The following C12orf42 variants were observed in gnomAD, a reference collection of about 807,000 sequenced individuals.
C12orf42 encodes the protein uncharacterized protein C12orf42.
In C12orf42, 25 loss-of-function variants were observed where a neutral mutation model predicts 21.6. That is an observed-to-expected ratio of 1.16 (90% CI 0.84 to 1.62). The LOEUF (loss-of-function observed/expected upper bound fraction) is 1.62, where lower values mean the gene tolerates loss of function less well. Among genes scored for constraint, C12orf42 ranks in the 40% most tolerant of loss-of-function variants. The probability of loss-of-function intolerance (pLI) is 0.00; values close to 1 mark genes in which losing one functional copy is unlikely to be tolerated. For synonymous variants in C12orf42, 174 were observed against 175.0 expected (o/e 0.99, Z 0.05); for missense variants, 483 against 459.3 (o/e 1.05, Z -0.47).
At chr12:103,206,648 C>T in the C12orf42 span, among the ~76,000 whole-genome samples, 1 of 152,188 alleles carries the variant, frequency 6.6e-6, no homozygotes, top group Admixed American at 6.5e-5. Flanking sequence ...AGCTAGAGTA[C>T]AGTGGCAGAA....
At chr12:103,179,441 G>A in the C12orf42 span, among the ~76,000 whole-genome samples, 74 of 152,268 alleles carry the variant, frequency 4.9e-4, no homozygotes, top group African/African-American at 5.5e-4. Flanking sequence ...TTAACCAAGT[G>A]AGAAAGAAAT....
At chr12:103,140,851 C>T in the C12orf42 span, among the ~76,000 whole-genome samples, 1 of 152,192 alleles carries the variant, frequency 6.6e-6, no homozygotes, top group Admixed American at 6.5e-5. Context: ...CAGACACACA[C>T]ACACACACCA....
chr12:103,407,225 T>G (rs2048489033), intron 2 of C12orf42, among the ~76,000 whole-genome samples: 1 of 152,072 alleles, frequency 6.6e-6, no homozygotes, highest in African/African-American at 2.4e-5. Flanking sequence ...GCCAAGTGAT[T>G]AAAAAAAGAG....
At chr12:103,515,202 A>T in the C12orf42 span, among the ~76,000 whole-genome samples, 7 of 152,248 alleles carry the variant, frequency 4.6e-5, no homozygotes, top group African/African-American at 1.7e-4. Flanking sequence ...AAATCAGAGA[A>T]GCACAAACTG....
At chr12:103,229,348 T>G in the C12orf42 span, among the ~76,000 whole-genome samples, 1 of 152,170 alleles carries the variant, frequency 6.6e-6, no homozygotes, top group African/African-American at 2.4e-5. Context: ...CCAGGCAGAG[T>G]ATGACCAATG....
chr12:103,505,830 C>T, the C12orf42 span, among the ~76,000 whole-genome samples: 1 of 152,186 alleles, frequency 6.6e-6, no homozygotes, highest in Non-Finnish European at 1.5e-5. Flanking sequence ...CAGGGGGTCA[C>T]AAATGAGATG....
intron 4 of C12orf42, among the ~76,000 whole-genome samples, chr12:103,294,428 G>GAGGA (rs2037031273): frequency 2.1e-5 from 2 of 96,078 alleles, no homozygotes; most frequent in African/African-American, 8.9e-5. Context: ...AAAGGAGAGA[G>GAGGA]AGAAAGAAAG....
the C12orf42 span, among the ~76,000 whole-genome samples, chr12:103,124,910 C>T: frequency 1.3e-5 from 2 of 152,096 alleles, no homozygotes; most frequent in Non-Finnish European, 2.9e-5. Flanking sequence ...TAAGAGTATG[C>T]AGTTGATCCT....
intron 5 of C12orf42, among the ~76,000 whole-genome samples, chr12:103,303,093 A>G (rs1222178000): frequency 1.3e-5 from 2 of 152,204 alleles, no homozygotes; most frequent in East Asian, 3.8e-4. Context: ...TAAAACAAAC[A>G]GTAAATTAAC....
At chr12:103,051,491 T>A in the C12orf42 span, among the ~76,000 whole-genome samples, 2 of 152,342 alleles carry the variant, frequency 1.3e-5, no homozygotes, top group African/African-American at 4.8e-5. Context: ...AATACATTGC[T>A]GGTTTTACTT....
chr12:103,333,650 A>C (rs1278470682), intron 4 of C12orf42, among the ~76,000 whole-genome samples: 1 of 152,192 alleles, frequency 6.6e-6, no homozygotes, highest in African/African-American at 2.4e-5. Flanking sequence ...AGATGAGTTG[A>C]AAAATTATCA....
intron 5 of C12orf42, among the ~76,000 whole-genome samples, chr12:103,274,167 T>G (rs61942576): frequency 2.3e-4 from 35 of 152,160 alleles, no homozygotes; most frequent in Non-Finnish European, 4.6e-4. Context: ...GTTTTACAGA[T>G]AAGGAGTTTG....
the C12orf42 span, among the ~76,000 whole-genome samples, chr12:103,222,972 C>T: frequency 8.4e-4 from 127 of 151,852 alleles, no homozygotes; most frequent in Non-Finnish European, 1.5e-3. Context: ...CTGGCTTCTT[C>T]CATTCAGTCT....
chr12:103,261,422 C>A (rs1388743617), intron 10 of C12orf42, among the ~76,000 whole-genome samples: 2 of 145,426 alleles, frequency 1.4e-5, no homozygotes, highest in Non-Finnish European at 3.0e-5. Context: ...GTGAAAGTTG[C>A]AGTGAGCCGA....
the C12orf42 span, among the ~76,000 whole-genome samples, chr12:103,195,537 A>G: frequency 6.6e-6 from 1 of 152,108 alleles, no homozygotes; most frequent in African/African-American, 2.4e-5. Flanking sequence ...CATTTATATT[A>G]TGATTATTGA....
At chr12:103,404,989 C>T (rs1449470736) in intron 2 of C12orf42, among the ~76,000 whole-genome samples, 1 of 152,208 alleles carries the variant, frequency 6.6e-6, no homozygotes, top group Non-Finnish European at 1.5e-5. Context: ...CCATCAGGTC[C>T]TTGGAAGGCC....
the C12orf42 span, among the ~76,000 whole-genome samples, chr12:103,060,008 G>T: frequency 6.6e-6 from 1 of 152,098 alleles, no homozygotes; most frequent in Non-Finnish European, 1.5e-5. Flanking sequence ...AAGAAATAAA[G>T]CATTTTCAAA....
At chr12:103,050,290 T>C in the C12orf42 span, among the ~76,000 whole-genome samples, 2 of 152,058 alleles carry the variant, frequency 1.3e-5, no homozygotes, top group African/African-American at 4.8e-5. Context: ...GATATATTGC[T>C]ATAAAATGCT....
chr12:103,254,330 T>C (rs2034450219), intron 10 of C12orf42, among the ~76,000 whole-genome samples: 1 of 152,174 alleles, frequency 6.6e-6, no homozygotes, highest in East Asian at 1.9e-4. Flanking sequence ...AAGTGAAATA[T>C]AATTTTTTGA....
Sources: allele counts gnomAD v4.1 joint callset (sites outside exome capture counted in the v4.1 genomes callset), GRCh38; gene constraint gnomAD v4.1.1; transcripts MANE v1.5; gene names NCBI Gene and HGNC (gene_info 2026-07-23, HGNC 2026-07-21).